Variants in RASSF4 observed in about 807,000 individuals in gnomAD.
The protein encoded by RASSF4 is Ras association domain family member 4.
A neutral mutation model predicts 41.1 loss-of-function variants in RASSF4; 38 were observed. The observed-to-expected ratio is 0.92, with a 90% CI of 0.71 to 1.21. The LOEUF (loss-of-function observed/expected upper bound fraction) is 1.21, where lower values mean the gene tolerates loss of function less well. RASSF4 is among the 50% of genes most tolerant of loss of function. The pLI, the probability that RASSF4 is intolerant of heterozygous loss-of-function variation, is 0.00. For synonymous variants in RASSF4, 179 were observed against 163.4 expected (o/e 1.10, Z -0.73); for missense variants, 414 against 419.4 (o/e 0.99, Z 0.11).
At chr10:44,992,695 G>T (rs1259451358) in intron 10 of RASSF4, among the ~76,000 whole-genome samples, 4 of 152,188 alleles carry the variant, frequency 2.6e-5, no homozygotes, top group African/African-American at 4.8e-5. Flanking sequence ...GAGAGGGCCT[G>T]GGGTGTGTGG....
chr10:44,980,157 G>A (rs1841642282), intron 3 of RASSF4, among the ~76,000 whole-genome samples: 1 of 152,196 alleles, frequency 6.6e-6, no homozygotes, highest in South Asian at 2.1e-4. Context: ...GCAAGCAAGA[G>A]GGACCGGCAG....
At chr10:44,989,838 GC>G in intron 8 of RASSF4, 117 bp downstream of exon 8, 1 of 909,770 alleles carries the variant, frequency 1.1e-6, no homozygotes, top group Non-Finnish European at 1.8e-6. Flanking sequence ...GTGCTGGCTT[GC>G]CTAGTGGGCT....
Position 44,989,275 on chromosome 10 carries a change from C to T in RASSF4, c.533C>T (p.Thr178Ile). 2 of 1,608,576 alleles carry T rather than the reference C, an allele frequency of 1.2e-6. No individual in the cohort carries two copies. The highest frequency in any genetic ancestry group is 1.1e-5 in the South Asian group (1 of 90,872). The change falls in exon 7 of 11, where the codon ACC becomes ATC. Residue 178 changes from threonine to isoleucine, a missense_variant and splice_region_variant. By Grantham distance (89) the Thr-to-Ile change is moderately conservative (BLOSUM62 -1). Transcript: ENST00000340258. The stretch of plus-strand genomic sequence containing the variant: ...AACTTCTCTCCCTTCCTGGTACAGA[C>T]CTCCGTGTTTACTCCAGCCTATGGA... ...SINGHFYNHKTSVFTPAYGSV... is the reference protein window; with the variant it reads ...SINGHFYNHKISVFTPAYGSV...
chr10:44,984,744 TC>T, intron 5 of RASSF4, 68 bp from the exon 6 acceptor site: 1 of 1,568,150 alleles, frequency 6.4e-7, no homozygotes, highest in Non-Finnish European at 8.7e-7. Flanking sequence ...GTGCCAGATC[TC>T]CCGACAGCAG....
chr10:44,987,496 A>G (rs1292569641), intron 6 of RASSF4, among the ~76,000 whole-genome samples: 1 of 151,974 alleles, frequency 6.6e-6, no homozygotes, highest in Non-Finnish European at 1.5e-5. Flanking sequence ...AGCTGGGGGA[A>G]GCAGGTCGAG....
intron 3 of RASSF4, among the ~76,000 whole-genome samples, chr10:44,972,245 A>G (rs754532352): frequency 6.6e-6 from 1 of 152,078 alleles, no homozygotes; most frequent in Non-Finnish European, 1.5e-5. Context: ...GTCCCGCCAC[A>G]TATCTGCAGG....
intron 4 of RASSF4, chr10:44,982,942 CA>C (rs1229935113): frequency 3.0e-6 from 2 of 671,258 alleles, no homozygotes; most frequent in South Asian, 1.5e-5. Context: ...CGACTACAGC[CA>C]GGGGGGCTCC....
intron 1 of RASSF4, among the ~76,000 whole-genome samples, chr10:44,960,791 T>C (rs1489731155): frequency 1.3e-5 from 2 of 152,234 alleles, no homozygotes; most frequent in African/African-American, 4.8e-5. Flanking sequence ...CAGGTTAGAC[T>C]CCAAAGCTAT....
chr10:44,983,802 A>G (rs747062711), intron 4 of RASSF4: 18 of 688,696 alleles, frequency 2.6e-5, no homozygotes, highest in Non-Finnish European at 3.3e-5. Context: ...TCAGGTCTGC[A>G]GGGCCAGGCT....
chr10:44,989,827 C>T (rs761021618), intron 8 of RASSF4, 106 bp downstream of exon 8: 7 of 1,029,638 alleles, frequency 6.8e-6, no homozygotes, highest in Admixed American at 1.8e-5. Flanking sequence ...AGATGGGCTC[C>T]GTGCTGGCTT....
At chr10:44,981,877 G>A (rs1841720651) in intron 3 of RASSF4, 1 of 152,902 alleles carries the variant, frequency 6.5e-6, no homozygotes, top group Admixed American at 6.5e-5. Flanking sequence ...TGCAGACCTA[G>A]GGAAACCGAG....
In RASSF4 at chr10:44,984,969, A is replaced by G. The variant is rs1471401238; in HGVS notation, c.530A>G (p.Lys177Arg). The stretch of plus-strand genomic sequence containing the variant: ...ATCAACGGCCACTTCTACAATCATA[A>G]GGTGATGCCCCAGCCTGGCCTCTCC... ...FSINGHFYNH[K>R]TSVFTPAYGS... The change falls in exon 6 of 11, where the codon AAG (lysine) becomes AGG (arginine). Residue 177 changes from lysine (K) to arginine (R), a missense_variant and splice_region_variant. Lys to Arg is a conservative substitution (Grantham distance 26). Coordinates refer to ENST00000340258, the MANE Select transcript of RASSF4 (RefSeq NM_032023.4). The G allele has an allele frequency of 6.2e-7, 1 of 1,610,012 alleles. No homozygotes were observed. The highest frequency in any genetic ancestry group is 8.5e-7 in the Non-Finnish European group (1 of 1,179,372).
At chr10:44,990,063 G>T (rs905880143) in intron 8 of RASSF4, among the ~76,000 whole-genome samples, 1 of 152,186 alleles carries the variant, frequency 6.6e-6, no homozygotes, top group Non-Finnish European at 1.5e-5. Flanking sequence ...CTCCCTCTCC[G>T]CCTCTTCCAG....
intron 3 of RASSF4, chr10:44,981,038 A>G (rs1270866237): frequency 6.6e-6 from 1 of 151,832 alleles, no homozygotes; most frequent in Admixed American, 6.6e-5. Context: ...TGGATACACT[A>G]TTTTCTCTGT....
At chr10:44,967,148 G>A (rs958865107) in intron 1 of RASSF4, among the ~76,000 whole-genome samples, 11 of 152,332 alleles carry the variant, frequency 7.2e-5, no homozygotes, top group Non-Finnish European at 1.5e-4. Context: ...CATATCCAGT[G>A]TGGGTTGGCA....
intron 3 of RASSF4, among the ~76,000 whole-genome samples, chr10:44,978,409 A>G (rs1841547008): frequency 6.6e-6 from 1 of 152,132 alleles, no homozygotes; most frequent in South Asian, 2.1e-4. Context: ...CCCATCCATA[A>G]AACAGGGTTA....
At chr10:44,963,483 C>CCTG (rs1305325405) in intron 1 of RASSF4, among the ~76,000 whole-genome samples, 2 of 152,196 alleles carry the variant, frequency 1.3e-5, no homozygotes, top group Admixed American at 1.3e-4. Flanking sequence ...TCCTCTGTGC[C>CCTG]CTGCTGCCGT....
intron 3 of RASSF4, among the ~76,000 whole-genome samples, chr10:44,979,571 G>T (rs11815597): frequency 0.035 from 5,252 of 152,218 alleles, 312 homozygotes; most frequent in African/African-American, 0.12. Flanking sequence ...ACAGTGGTCA[G>T]GGGTGTCTTC....
At chr10:44,967,460 A>G (rs55693563) in intron 1 of RASSF4, among the ~76,000 whole-genome samples, 14,952 of 152,258 alleles carry the variant, frequency 0.098, 2,116 homozygotes, top group African/African-American at 0.32. Flanking sequence ...AGTGAAATAT[A>G]GCCCAGAAAA....
Sources: gnomAD v4.1 joint callset for allele counts (sites outside exome capture counted in the v4.1 genomes callset) on GRCh38, gnomAD v4.1.1 for gene constraint, MANE v1.5 for transcripts, NCBI Gene and HGNC (gene_info 2026-07-23, HGNC 2026-07-21) for gene names.